The following NXPH1 variants were observed in gnomAD, a reference collection of about 807,000 sequenced individuals.
NXPH1 encodes neurexophilin-1.
In NXPH1, 5 loss-of-function variants were observed where a neutral mutation model predicts 23.7. The observed-to-expected ratio is 0.21, with a 90% CI of 0.11 to 0.44. The LOEUF (loss-of-function observed/expected upper bound fraction) is 0.44. NXPH1 is among the 20% of genes least tolerant of loss of function. The probability of loss-of-function intolerance (pLI) is 0.99; values close to 1 mark genes in which losing one functional copy is unlikely to be tolerated. For synonymous variants in NXPH1, 144 were observed against 122.2 expected (o/e 1.18, Z -1.18); for missense variants, 324 against 321.6 (o/e 1.01, Z -0.06).
intron 2 of NXPH1, among the ~76,000 whole-genome samples, chr7:8,740,078 G>A (rs1780334820): frequency 6.6e-6 from 1 of 152,328 alleles, no homozygotes; most frequent in South Asian, 2.1e-4. Context: ...TTGAGCTGAT[G>A]TAATGTTTCC....
At chr7:8,469,818 AAT>A (rs1207428074) in intron 2 of NXPH1, among the ~76,000 whole-genome samples, 4 of 152,118 alleles carry the variant, frequency 2.6e-5, no homozygotes, top group Non-Finnish European at 5.9e-5. Context: ...CATTGTCTCT[AAT>A]CCATGCAACA....
At chr7:8,488,506 C>G (rs111744023) in intron 2 of NXPH1, among the ~76,000 whole-genome samples, 1 of 152,246 alleles carries the variant, frequency 6.6e-6, no homozygotes, top group Admixed American at 6.5e-5. Context: ...CAGGCCTCAT[C>G]TCCCTTGGTT....
At position 8,745,592 on chromosome 7, in the gene NXPH1, C is replaced by T. The variant is rs1428874470; in HGVS notation, c.55-5416C>T. ...GCCCCGAAACAGAGTCTTGCTCTGT[C>T]GCCAGGCTGGAGTGCAGTGGTGCAA... On this transcript the variant is annotated intron_variant, in intron 2 of 2. Coordinates refer to ENST00000405863, the MANE Select transcript of NXPH1 (RefSeq NM_152745.3). Among the ~76,000 whole-genome samples, 10 of 152,106 alleles carry T rather than the reference C, an allele frequency of 6.6e-5. No individual in the cohort carries two copies. The East Asian group carries it at 1.2e-3, about 18-fold the overall frequency.
chr7:8,725,020 T>C (rs890913859), intron 2 of NXPH1, among the ~76,000 whole-genome samples: 5 of 151,984 alleles, frequency 3.3e-5, no homozygotes, highest in Admixed American at 3.3e-4. Context: ...GAGGGCAGAG[T>C]ATAGTAACCC....
intron 2 of NXPH1, among the ~76,000 whole-genome samples, chr7:8,714,996 C>T (rs1235187763): frequency 6.6e-6 from 1 of 152,044 alleles, no homozygotes; most frequent in Non-Finnish European, 1.5e-5. Flanking sequence ...GCTCTGAGCC[C>T]AGCACAGCAC....
intron 2 of NXPH1, among the ~76,000 whole-genome samples, chr7:8,575,006 C>T (rs1019016176): frequency 2.6e-5 from 4 of 152,116 alleles, no homozygotes; most frequent in Non-Finnish European, 4.4e-5. Flanking sequence ...TTATAGCATT[C>T]GTCGGAGACG....
intron 2 of NXPH1, among the ~76,000 whole-genome samples, chr7:8,750,255 A>C (rs1030452605): frequency 6.6e-6 from 1 of 152,210 alleles, no homozygotes; most frequent in Non-Finnish European, 1.5e-5. Flanking sequence ...ATATGACTGT[A>C]ATATGGATAA....
At chr7:8,440,907 G>T (rs1816284842) in intron 2 of NXPH1, among the ~76,000 whole-genome samples, 1 of 152,116 alleles carries the variant, frequency 6.6e-6, no homozygotes, top group Admixed American at 6.5e-5. Context: ...AAATAATTCG[G>T]CTGCGAGTCA....
chr7:8,519,330 C>G (rs930916278), intron 2 of NXPH1, among the ~76,000 whole-genome samples: 1 of 152,150 alleles, frequency 6.6e-6, no homozygotes, highest in Non-Finnish European at 1.5e-5. Context: ...CCTATGTAGA[C>G]AGTCCCTAAA....
chr7:8,665,909 T>TTG (rs1562447941), intron 2 of NXPH1, among the ~76,000 whole-genome samples: 1 of 22,388 alleles, frequency 4.5e-5, no homozygotes, highest in African/African-American at 9.0e-5. Flanking sequence ...GAGGTTTTTT[T>TTG]TTCTTTTTCT....
At chr7:8,674,316 C>A (rs1562450803) in intron 2 of NXPH1, among the ~76,000 whole-genome samples, 1 of 151,972 alleles carries the variant, frequency 6.6e-6, no homozygotes, top group African/African-American at 2.4e-5. Flanking sequence ...AAAGGGATGA[C>A]TAAACTGAGT....
intron 2 of NXPH1, among the ~76,000 whole-genome samples, chr7:8,640,156 T>C (rs1255451104): frequency 6.6e-6 from 1 of 152,216 alleles, no homozygotes; most frequent in Non-Finnish European, 1.5e-5. Context: ...TTACTATTTA[T>C]GTCAGTGTAC....
At chr7:8,511,038 C>T (rs1347541428) in intron 2 of NXPH1, among the ~76,000 whole-genome samples, 1 of 152,080 alleles carries the variant, frequency 6.6e-6, no homozygotes, top group African/African-American at 2.4e-5. Context: ...AGATGTTCTC[C>T]ACTTTGCAGA....
Position 8,546,104 on chromosome 7 carries a change from C to G in NXPH1, c.54+110337C>G, listed in dbSNP as rs1440598076. ...TTGCTCTTAGTGTGTAAAGCTGAAACCTCTTTTTCATATATTTTGTGGCTA... is the reference window on the plus strand; with the variant it reads ...TTGCTCTTAGTGTGTAAAGCTGAAAGCTCTTTTTCATATATTTTGTGGCTA... On this transcript the variant is annotated intron_variant, in intron 2 of 2. Coordinates refer to ENST00000405863, the MANE Select transcript of NXPH1 (RefSeq NM_152745.3). Among the ~76,000 whole-genome samples, 3 of 151,356 alleles carry G rather than the reference C, an allele frequency of 2.0e-5. No individual in the cohort carries two copies. In the South Asian group the frequency reaches 6.2e-4, roughly 31 times the overall value.
At chr7:8,549,571 G>A (rs1272936227) in intron 2 of NXPH1, among the ~76,000 whole-genome samples, 1 of 151,466 alleles carries the variant, frequency 6.6e-6, no homozygotes, top group African/African-American at 2.4e-5. Flanking sequence ...CTATGGAAGA[G>A]AGAATTACTT....
intron 2 of NXPH1, among the ~76,000 whole-genome samples, chr7:8,533,391 A>G (rs1252447342): frequency 2.0e-5 from 3 of 152,142 alleles, no homozygotes; most frequent in Non-Finnish European, 4.4e-5. Flanking sequence ...ATTAGAATCC[A>G]TATCATAAAA....
chr7:8,647,388 G>A (rs1313436566), intron 2 of NXPH1, among the ~76,000 whole-genome samples: 1 of 152,278 alleles, frequency 6.6e-6, no homozygotes, highest in East Asian at 1.9e-4. Context: ...AGGCAGAGAG[G>A]CAGGCAGTCC....
intron 2 of NXPH1, among the ~76,000 whole-genome samples, chr7:8,587,279 G>A (rs1818998651): frequency 6.9e-6 from 1 of 144,724 alleles, no homozygotes; most frequent in Non-Finnish European, 1.5e-5. Flanking sequence ...ATTTATTCAA[G>A]GGCAGATTTT....
rs547937843 is a variant in NXPH1, at chr7:8,527,401, C to T, written c.54+91634C>T. On this transcript the variant is annotated intron_variant, in intron 2 of 2. Transcript: ENST00000405863. ...CTCTAAATTGCTTTCAGAATCTTAT[C>T]TGCAGTGTATACAACTCATTTTCCA... 2.6e-5 allele frequency among the ~76,000 whole-genome samples: 4 copies of T among 152,284 alleles called. No homozygotes were observed. In the South Asian group the frequency reaches 8.3e-4, roughly 32 times the overall value.
Sources: gnomAD v4.1 joint callset for allele counts (sites outside exome capture counted in the v4.1 genomes callset) on GRCh38, gnomAD v4.1.1 for gene constraint, MANE v1.5 for transcripts, NCBI Gene and HGNC (gene_info 2026-07-23, HGNC 2026-07-21) for gene names.